The following CD48 variants were observed in gnomAD, a reference collection of about 807,000 sequenced individuals.
The protein encoded by CD48 is CD48 molecule.
In CD48, 20 loss-of-function variants were observed where a neutral mutation model predicts 22.0. The ratio of observed to expected loss-of-function variants is 0.91; its 90% CI spans 0.64 to 1.32. The LOEUF (loss-of-function observed/expected upper bound fraction) is 1.32, where lower values mean the gene tolerates loss of function less well. Among genes scored for constraint, CD48 ranks in the 40% most tolerant of loss-of-function variants. CD48 has a pLI of 0.00. For missense variants in CD48, 307 were observed against 286.5 expected, an observed-to-expected ratio of 1.07 and a Z score of -0.52; for synonymous variants, 110 against 110.1, an observed-to-expected ratio of 1.00 and a Z score of 0.01.
chr1:160,703,098 G>A (rs1329911803), intron 1 of CD48, among the ~76,000 whole-genome samples: 2 of 152,134 alleles, frequency 1.3e-5, no homozygotes, highest in African/African-American at 2.4e-5. Context: ...CTGGGCATAA[G>A]CATCAGAGAA....
intron 1 of CD48, among the ~76,000 whole-genome samples, chr1:160,707,244 G>A (rs1329367010): frequency 6.6e-6 from 1 of 152,200 alleles, no homozygotes; most frequent in Non-Finnish European, 1.5e-5. Flanking sequence ...AATAAAAATA[G>A]ACTCTTCTCT....
At position 160,679,143 on chromosome 1, in the gene CD48, A is replaced by G; in HGVS notation, c.653-12T>C. On this transcript the variant is annotated splice_polypyrimidine_tract_variant and intron_variant, in intron 3 of 3. Transcript: ENST00000368046. ...TCCAAAGGACCGGGCTGAAAGAGCA[A>G]GAAAACCCTATATGCTTAGGTATCT... The G allele has an allele frequency of 1.2e-6, 2 of 1,611,928 alleles. No individual in the cohort carries two copies. The highest frequency in any genetic ancestry group is 1.7e-6 in the Non-Finnish European group (2 of 1,177,924).
chr1:160,690,669 T>C (rs756202546), intron 1 of CD48, among the ~76,000 whole-genome samples: 24 of 152,178 alleles, frequency 1.6e-4, no homozygotes, highest in Non-Finnish European at 3.4e-4. Context: ...TCTACACTGG[T>C]GAACCACCTG....
At chr1:160,686,981 T>G (rs1047219917) in intron 1 of CD48, among the ~76,000 whole-genome samples, 1 of 151,930 alleles carries the variant, frequency 6.6e-6, no homozygotes, top group African/African-American at 2.4e-5. Flanking sequence ...TAGGCAGGAG[T>G]TTTCTCTTCC....
At chr1:160,683,826 G>T (rs1386031140) in intron 2 of CD48, 1 of 152,062 alleles carries the variant, frequency 6.6e-6, no homozygotes, top group African/African-American at 2.4e-5. Flanking sequence ...AGAACCCAAG[G>T]CTCTCAAGGG....
chr1:160,696,190 C>T (rs1171014302), intron 1 of CD48, among the ~76,000 whole-genome samples: 3 of 152,134 alleles, frequency 2.0e-5, no homozygotes, highest in Non-Finnish European at 4.4e-5. Context: ...AACTCCATAT[C>T]AATCGGCTCA....
At chr1:160,685,536 TG>T (rs1661967007) in intron 1 of CD48, among the ~76,000 whole-genome samples, 1 of 152,242 alleles carries the variant, frequency 6.6e-6, no homozygotes, top group African/African-American at 2.4e-5. Flanking sequence ...ATCTCTGCTC[TG>T]GTCTTGTGTT....
intron 1 of CD48, among the ~76,000 whole-genome samples, chr1:160,698,777 GAAC>G (rs1181521865): frequency 3.3e-5 from 5 of 152,046 alleles, no homozygotes; most frequent in African/African-American, 4.8e-5. Flanking sequence ...CAAATTAAAA[GAAC>G]AAATTTTCGA....
At chr1:160,684,409 T>A (rs1452446359) in intron 2 of CD48, 1 of 219,228 alleles carries the variant, frequency 4.6e-6, no homozygotes, top group Non-Finnish European at 9.1e-6. Context: ...TGAGTCCTTA[T>A]TCCATATACA....
chr1:160,693,441 C>T (rs1024730305), intron 1 of CD48, among the ~76,000 whole-genome samples: 2 of 150,460 alleles, frequency 1.3e-5, no homozygotes, highest in Non-Finnish European at 3.0e-5. Context: ...ATTGGAGGAG[C>T]TACGCATAAA....
In CD48 at chr1:160,685,108, TG is replaced by T; in HGVS notation, c.163del (p.Gln55AsnfsTer2). 1 of 1,613,984 alleles carries T rather than the reference TG, an allele frequency of 6.2e-7. No individual in the cohort carries two copies. The highest frequency in any genetic ancestry group is 8.5e-7 in the Non-Finnish European group (1 of 1,179,898). On this transcript the variant is annotated frameshift_variant, in exon 2 of 4. Coordinates refer to ENST00000368046, the MANE Select transcript of CD48 (RefSeq NM_001778.4). LOFTEE classifies it high-confidence loss of function. ...ISESLPENYK[Q>X]LTWFYTFDQK... ...GTCGAAAGTATAAAACCAGGTTAGT[TG>T]TTTGTAGTTCTCAGGCAGGCTCTCA...
chr1:160,679,885 T>C (rs1571045017), intron 3 of CD48, among the ~76,000 whole-genome samples: 1 of 152,178 alleles, frequency 6.6e-6, no homozygotes, highest in East Asian at 1.9e-4. Context: ...GAGGGTGGTG[T>C]TGGAACCACC....
intron 3 of CD48, 146 bp from the exon 4 acceptor site, chr1:160,679,277 G>A (rs531706499): frequency 3.1e-6 from 2 of 642,932 alleles, no homozygotes; most frequent in East Asian, 5.5e-5. Flanking sequence ...ATTTGGCTGG[G>A]ACATTCTTTT....
chr1:160,692,588 C>G (rs535098971), intron 1 of CD48, among the ~76,000 whole-genome samples: 1 of 152,136 alleles, frequency 6.6e-6, no homozygotes, highest in African/African-American at 2.4e-5. Context: ...CTAGGAATGC[C>G]CCCAGCACCA....
chr1:160,694,271 A>T (rs1662330752), intron 1 of CD48, among the ~76,000 whole-genome samples: 1 of 152,220 alleles, frequency 6.6e-6, no homozygotes, highest in Non-Finnish European at 1.5e-5. Context: ...CACTGATCCG[A>T]CAGGAAAGGC....
At chr1:160,690,026 T>C (rs904100603) in intron 1 of CD48, among the ~76,000 whole-genome samples, 139 of 152,326 alleles carry the variant, frequency 9.1e-4, no homozygotes, top group African/African-American at 3.2e-3. Flanking sequence ...GTGGAGTAGT[T>C]AAATCATGTT....
At chr1:160,701,351 G>C (rs1037070696) in intron 1 of CD48, among the ~76,000 whole-genome samples, 4 of 151,890 alleles carry the variant, frequency 2.6e-5, no homozygotes, top group Non-Finnish European at 4.4e-5. Flanking sequence ...AGGGGAAAGA[G>C]AATGTTCCAC....
At chr1:160,702,130 T>G (rs957074870) in intron 1 of CD48, among the ~76,000 whole-genome samples, 3 of 152,258 alleles carry the variant, frequency 2.0e-5, no homozygotes, top group Non-Finnish European at 4.4e-5. Context: ...ATGAGACCAG[T>G]ATGAATGGTG....
At chr1:160,706,123 G>A (rs1319164460) in intron 1 of CD48, among the ~76,000 whole-genome samples, 1 of 152,010 alleles carries the variant, frequency 6.6e-6, no homozygotes, top group African/African-American at 2.4e-5. Flanking sequence ...CACCCAGGCT[G>A]GAGTGCAGTG....
Sources: allele counts gnomAD v4.1 joint callset (sites outside exome capture counted in the v4.1 genomes callset), GRCh38; gene constraint gnomAD v4.1.1; transcripts MANE v1.5; gene names NCBI Gene and HGNC (gene_info 2026-07-23, HGNC 2026-07-21).